PDK3: variants seen among roughly 807,000 people sequenced by gnomAD.
PDK3 encodes pyruvate dehydrogenase kinase 3, also known as pyruvate dehydrogenase kinase, isozyme 3.
Under a neutral mutation model 32.0 loss-of-function variants are expected in PDK3, and 12 were observed. The observed-to-expected ratio is 0.37, with a 90% CI of 0.24 to 0.61. The LOEUF (loss-of-function observed/expected upper bound fraction) is 0.61, where lower values mean the gene tolerates loss of function less well. Ranked by LOEUF, PDK3 falls within the 20% of genes least tolerant of loss-of-function variation. The probability of loss-of-function intolerance (pLI) is 0.65; values close to 1 mark genes in which losing one functional copy is unlikely to be tolerated. For synonymous variants in PDK3, 122 were observed against 116.3 expected (o/e 1.05, Z -0.31); for missense variants, 188 against 316.9 (o/e 0.59, Z 3.09).
chrX:24,481,566 G>A (rs1331813572), intron 1 of PDK3, among the ~76,000 whole-genome samples: 1 of 111,829 alleles, frequency 8.9e-6, no homozygotes, highest in Non-Finnish European at 1.9e-5. Flanking sequence ...GATTTTCAGT[G>A]TTGGTGGTGG....
chrX:24,481,137 G>A (rs1366892086), intron 1 of PDK3, among the ~76,000 whole-genome samples: 5 of 108,287 alleles, frequency 4.6e-5, no homozygotes, highest in Non-Finnish European at 7.7e-5. Flanking sequence ...TCCGCCTTCC[G>A]GGTTCACGCC....
chrX:24,530,561 C>T lies in PDK3; in HGVS notation c.964-1096C>T, dbSNP rs142539157. Among the ~76,000 whole-genome samples, 92 of 111,570 alleles carry T rather than the reference C, an allele frequency of 8.2e-4. 2 individuals are homozygous for T. In the East Asian group the frequency reaches 0.023, roughly 28 times the overall value. Reference sequence around the variant, plus strand: ...GAAAGTGGATTTCAACTGGGTCTGTCTGAGTCTAAGGCCCATGTGACTCTG... The same window carrying T: ...GAAAGTGGATTTCAACTGGGTCTGTTTGAGTCTAAGGCCCATGTGACTCTG... On this transcript the variant is annotated intron_variant, in intron 9 of 10. Coordinates refer to ENST00000379162, the MANE Select transcript of PDK3 (RefSeq NM_005391.5).
At position 24,533,941 on chromosome X, in the gene PDK3, G is replaced by A; in HGVS notation, c.1090G>A (p.Glu364Lys). The change falls in exon 11 of 11, where the codon GAG becomes AAG. Residue 364 changes from glutamate to lysine, a missense_variant. Coordinates refer to ENST00000379162, the MANE Select transcript of PDK3 (RefSeq NM_005391.5). Reference protein sequence around the residue: ...AVIYLKALSSESFERLPVFNK... With the variant: ...AVIYLKALSSKSFERLPVFNK... ...GTTTCTCCAATAGGCTCTTTCAAGT[G>A]AGTCATTTGAGAGACTTCCAGTTTT... The A allele has an allele frequency of 8.3e-7, 1 of 1,199,854 alleles. No homozygotes were observed. Among genetic ancestry groups the A allele is most frequent in the Non-Finnish European group, 1.1e-6 (1 of 887,548 alleles).
Position 24,505,841 on chromosome X carries a change from CA to C in PDK3, c.595+544del, listed in dbSNP as rs748125365. Reference sequence around the variant, plus strand: ...CTTTGAATTTGAACAGCAGTTTCCTCATTATTTATTCATTTAAGATCAATGC... The same window carrying C: ...CTTTGAATTTGAACAGCAGTTTCCTCTTATTTATTCATTTAAGATCAATGC... On this transcript the variant is annotated intron_variant, in intron 5 of 10. Transcript: ENST00000379162. Among the ~76,000 whole-genome samples the C allele has an allele frequency of 1.1e-3, 118 of 111,389 alleles. 1 individual carries two copies. Among genetic ancestry groups the C allele is most frequent in the Middle Eastern group, 9.1e-3 (2 of 219 alleles).
At chrX:24,538,146 T>A (rs1922818306), downstream of PDK3, among the ~76,000 whole-genome samples, 1 of 112,534 alleles carries the variant, frequency 8.9e-6, no homozygotes, top group South Asian at 3.6e-4. Context: ...TAATTGAATA[T>A]TATTTTAAAG....
At chrX:24,532,989 T>C (rs1457949498) in intron 10 of PDK3, among the ~76,000 whole-genome samples, 1 of 111,026 alleles carries the variant, frequency 9.0e-6, no homozygotes, top group Non-Finnish European at 1.9e-5. Flanking sequence ...AGGAAATGCT[T>C]ATTGGAGCAC....
rs751813667 is a variant in PDK3, at chrX:24,528,235, G to A, written c.963+49G>A. The A allele has an allele frequency of 6.1e-6, 4 of 658,307 alleles. No individual in the cohort carries two copies. The African/African-American group carries it at 8.7e-5, about 14-fold the overall frequency. 54.3% of individuals were successfully genotyped at this position (658,307 alleles called of 1,213,427 possible). On this transcript the variant is annotated intron_variant, in intron 9 of 10. Coordinates refer to ENST00000379162, the MANE Select transcript of PDK3 (RefSeq NM_005391.5). The stretch of plus-strand genomic sequence containing the variant: ...AAGGAAAGATCATAAACACAGGAAG[G>A]GGCTCAGAGGGAGCTGCCTCTCTCC...
At chrX:24,487,117 T>G (rs1379541313) in intron 1 of PDK3, among the ~76,000 whole-genome samples, 2 of 112,675 alleles carry the variant, frequency 1.8e-5, no homozygotes, top group Non-Finnish European at 3.7e-5. Context: ...AAGTAGAAAC[T>G]AAGTTTTTAA....
chrX:24,544,705 G>A (rs1392094376), exon 12 of PDK3, among the ~76,000 whole-genome samples: 1 of 111,895 alleles, frequency 8.9e-6, no homozygotes, highest in African/African-American at 3.2e-5. Flanking sequence ...ACATTGCCCT[G>A]GAGTCCGTGG....
chrX:24,473,055 G>T (rs1364708620), intron 1 of PDK3, among the ~76,000 whole-genome samples: 1 of 109,316 alleles, frequency 9.1e-6, no homozygotes, highest in Admixed American at 9.8e-5. Flanking sequence ...TGGGAGCAAT[G>T]AAAACATCAC....
chrX:24,540,471 C>T (rs768728727), exon 12 of PDK3, among the ~76,000 whole-genome samples: 20 of 112,077 alleles, frequency 1.8e-4, no homozygotes, highest in African/African-American at 5.8e-4. Context: ...ATGATAGTAC[C>T]GATGCAATTA....
rs375862167 is a variant in PDK3, at chrX:24,534,062, C to T, written c.1211C>T (p.Ala404Val). The change falls in exon 11 of 11, where the codon GCA becomes GTA. Residue 404 changes from alanine to valine, a missense_variant. Coordinates refer to ENST00000379162, the MANE Select transcript of PDK3 (RefSeq NM_005391.5). ...SEPRDASKYK[A>V]KQ ...CCCAGGGATGCTTCAAAATACAAAG[C>T]AAAACAGTAATATACCACCTTGATT... The T allele has an allele frequency of 1.3e-5, 16 of 1,201,706 alleles. No individual in the cohort carries two copies. Among genetic ancestry groups the T allele is most frequent in the Non-Finnish European group, 1.8e-5 (16 of 890,296 alleles).
chrX:24,474,107 G>A (rs5986255), intron 1 of PDK3, among the ~76,000 whole-genome samples: 31 of 110,115 alleles, frequency 2.8e-4, no homozygotes, highest in Admixed American at 2.7e-3. Context: ...GCAGACTGAC[G>A]TCCCATTTGT....
At chrX:24,539,220 CAGAG>C (rs1922840682), downstream of PDK3, 2 of 796,852 alleles carry the variant, frequency 2.5e-6, no homozygotes, top group Non-Finnish European at 3.7e-6. Context: ...GCAAGTCAAA[CAGAG>C]AGAACTGCTT....
chrX:24,545,618 C>G (rs1922980627), exon 12 of PDK3: 1 of 111,664 alleles, frequency 9.0e-6, no homozygotes, highest in Admixed American at 9.5e-5. Flanking sequence ...AGTGCCTTTC[C>G]CTAATGTCTG....
intron 2 of PDK3, among the ~76,000 whole-genome samples, chrX:24,498,193 A>G (rs760251907): frequency 8.9e-6 from 1 of 112,284 alleles, no homozygotes; most frequent in East Asian, 2.8e-4. Context: ...TTTGGTAATC[A>G]AACTGTAGAC....
At chrX:24,511,548 A>G (rs1226097282) in intron 5 of PDK3, among the ~76,000 whole-genome samples, 1 of 111,235 alleles carries the variant, frequency 9.0e-6, no homozygotes, top group East Asian at 2.8e-4. Context: ...TGTGTGTTTT[A>G]TAGGTTTAAT....
intron 1 of PDK3, among the ~76,000 whole-genome samples, chrX:24,466,202 T>C (rs1287969955): frequency 9.0e-6 from 1 of 111,243 alleles, no homozygotes; most frequent in Non-Finnish European, 1.9e-5. Context: ...TCTTCTCCAT[T>C]GGTGTCCCAC....
rs776804560 is a variant in PDK3 at position 24,498,820 on chromosome X, TCC to T, written c.249-8_249-7del. 1 of 1,049,248 alleles carries T rather than the reference TCC, an allele frequency of 9.5e-7. No individual in the cohort carries two copies. The highest frequency in any genetic ancestry group is 1.3e-6 in the Non-Finnish European group (1 of 775,750). 86.5% of individuals were successfully genotyped at this position (1,049,248 alleles called of 1,213,427 possible). On this transcript the variant is annotated splice_polypyrimidine_tract_variant and splice_region_variant and intron_variant, in intron 2 of 10. Transcript: ENST00000379162. Reference sequence around the variant, plus strand: ...AACTCTTCTTTTTCTTTTTTTTTTTTCCTTTTAGGTATATGCAGAGTTTTCTT... The same window carrying T: ...AACTCTTCTTTTTCTTTTTTTTTTTTTTTTAGGTATATGCAGAGTTTTCTT...
Sources: allele counts gnomAD v4.1 joint callset (sites outside exome capture counted in the v4.1 genomes callset), GRCh38; gene constraint gnomAD v4.1.1; transcripts MANE v1.5; gene names NCBI Gene and HGNC (gene_info 2026-07-23, HGNC 2026-07-21).